STAG1: variants seen among roughly 807,000 people sequenced by gnomAD.
The protein encoded by STAG1 is cohesin subunit SA-1.
In STAG1, 26 loss-of-function variants were observed where a neutral mutation model predicts 170.9. The observed-to-expected ratio is 0.15, with a 90% CI of 0.11 to 0.21. STAG1 has a LOEUF of 0.21. STAG1 is among the 10% of genes least tolerant of loss of function. The pLI, the probability that STAG1 is intolerant of heterozygous loss-of-function variation, is 1.00. For synonymous variants in STAG1, 514 were observed against 497.7 expected (o/e 1.03, Z -0.44); for missense variants, 964 against 1,509.5 (o/e 0.64, Z 5.99).
intron 1 of STAG1, among the ~76,000 whole-genome samples, chr3:136,660,877 G>A (rs1941555022): frequency 6.6e-6 from 1 of 152,164 alleles, no homozygotes; most frequent in Non-Finnish European, 1.5e-5. Flanking sequence ...GCTGAAGTGG[G>A]AGGACTGCTT....
chr3:136,526,369 C>T (rs1052442977), intron 6 of STAG1, among the ~76,000 whole-genome samples: 72 of 152,116 alleles, frequency 4.7e-4, no homozygotes, highest in East Asian at 5.8e-4. Context: ...TTGTCTCTTT[C>T]TATCTTTGTT....
At chr3:136,736,592 G>T in intron 1 of STAG1, 2 of 1,558,222 alleles carry the variant, frequency 1.3e-6, no homozygotes, top group Admixed American at 1.7e-5. Flanking sequence ...TTCGCCAGCT[G>T]TCCACACAAC....
At position 136,580,594 on chromosome 3, in the gene STAG1, C is replaced by T. The variant is rs538078563; in HGVS notation, c.298-11733G>A. On this transcript the variant is annotated intron_variant, in intron 4 of 33. Coordinates refer to ENST00000383202, the MANE Select transcript of STAG1 (RefSeq NM_005862.3). The stretch of plus-strand genomic sequence containing the variant: ...CAGGCCGGACTGCGGACTGCAGTGG[C>T]GCAATCTCGGCTCACTGCAAGCTCC... 5.8e-5 allele frequency among the ~76,000 whole-genome samples: 8 copies of T among 138,848 alleles called. No homozygotes were observed. In the East Asian group the frequency reaches 1.1e-3, roughly 19 times the overall value. 91.1% of individuals were successfully genotyped at this position (138,848 alleles called of 152,430 possible). A position where few individuals can be genotyped will look rare whatever the true frequency, so the allele number is the denominator to read the frequency against.
chr3:136,438,240 C>CTTTTTTTTTTTT (rs371190637), intron 15 of STAG1, among the ~76,000 whole-genome samples: 1 of 128,210 alleles, frequency 7.8e-6, no homozygotes, highest in Non-Finnish European at 1.6e-5. Context: ...AGTTTCTTTT[C>CTTTTTTTTTTTT]TTTTTTTTTT....
intron 12 of STAG1, among the ~76,000 whole-genome samples, chr3:136,465,521 G>A (rs755677910): frequency 2.6e-5 from 3 of 115,270 alleles, no homozygotes; most frequent in South Asian, 3.1e-4. Flanking sequence ...GTGCCTGGCC[G>A]CCTTCTAGTC....
At chr3:136,689,011 C>A (rs530625533) in intron 1 of STAG1, among the ~76,000 whole-genome samples, 1 of 152,234 alleles carries the variant, frequency 6.6e-6, no homozygotes, top group East Asian at 1.9e-4. Context: ...GTAAAATTTG[C>A]CAAATTAAAT....
At chr3:136,449,900 CTTT>C (rs34077581) in intron 14 of STAG1, among the ~76,000 whole-genome samples, 7 of 126,538 alleles carry the variant, frequency 5.5e-5, no homozygotes, top group African/African-American at 1.2e-4. Context: ...ACTATTGTTG[CTTT>C]TTTTTTTTTT....
intron 7 of STAG1, among the ~76,000 whole-genome samples, chr3:136,520,115 A>C (rs1391998601): frequency 2.0e-5 from 3 of 152,156 alleles, no homozygotes; most frequent in Non-Finnish European, 4.4e-5. Flanking sequence ...TCCAGTTATT[A>C]TCTTATTGGC....
At chr3:136,507,268 G>T (rs977905139) in intron 7 of STAG1, among the ~76,000 whole-genome samples, 2 of 152,138 alleles carry the variant, frequency 1.3e-5, no homozygotes, top group African/African-American at 4.8e-5. Flanking sequence ...TTAGAAAAAC[G>T]TAAGAAACTG....
rs967344710 is a variant in STAG1, at chr3:136,721,096, A to C, written c.-84+31099T>G. 3.2e-4 allele frequency among the ~76,000 whole-genome samples: 48 copies of C among 152,350 alleles called. 1 individual carries two copies. The highest frequency in any genetic ancestry group is 1.0e-3 in the African/African-American group (43 of 41,574). On this transcript the variant is annotated intron_variant, in intron 1 of 33. Transcript: ENST00000383202. ...GACATTGGAAGTGTATAAAAGGTCA[A>C]CCAAATAAAACCAAGAAAGCCTGAG...
At position 136,405,231 on chromosome 3, in the gene STAG1, C is replaced by CTTT. The variant is rs554475207; in HGVS notation, c.2197-6405_2197-6403dup. Among the ~76,000 whole-genome samples the CTTT allele has an allele frequency of 4.4e-4, 27 of 60,904 alleles. 1 individual carries two copies. The highest frequency in any genetic ancestry group is 6.6e-4 in the African/African-American group (15 of 22,640). 40.0% of individuals were successfully genotyped at this position (60,904 alleles called of 152,430 possible). The stretch of plus-strand genomic sequence containing the variant: ...AATAAATAAACACATGAAAAAACCT[C>CTTT]TTTTTTTTTTTTTTTTTTTTTTTTT... On this transcript the variant is annotated intron_variant, in intron 21 of 33. Transcript: ENST00000383202.
intron 7 of STAG1, among the ~76,000 whole-genome samples, chr3:136,508,857 C>CGTGT (rs578218669): frequency 1.5e-4 from 23 of 152,042 alleles, no homozygotes; most frequent in African/African-American, 5.1e-4. Context: ...AACGTGTGTA[C>CGTGT]GTGTGTGTGT....
intron 1 of STAG1, among the ~76,000 whole-genome samples, chr3:136,725,721 C>CAATG (rs1933626286): frequency 6.6e-6 from 1 of 152,182 alleles, no homozygotes; most frequent in Non-Finnish European, 1.5e-5. Context: ...GATTTCAAAG[C>CAATG]AATGAATGGC....
chr3:136,551,198 T>TGAGA (rs200132855), intron 5 of STAG1, among the ~76,000 whole-genome samples: 4 of 43,150 alleles, frequency 9.3e-5, no homozygotes, highest in Admixed American at 3.0e-4. Context: ...AGAGAGAGGT[T>TGAGA]GAGAGAGAGT....
At chr3:136,540,608 G>C (rs1234516716) in intron 6 of STAG1, among the ~76,000 whole-genome samples, 3 of 151,762 alleles carry the variant, frequency 2.0e-5, no homozygotes, top group Non-Finnish European at 4.4e-5. Flanking sequence ...GATCACCTGA[G>C]GTCAGGAGTT....
intron 9 of STAG1, among the ~76,000 whole-genome samples, chr3:136,496,380 C>A (rs1051916520): frequency 6.6e-6 from 1 of 151,988 alleles, no homozygotes; most frequent in Non-Finnish European, 1.5e-5. Flanking sequence ...ATCTATTCAC[C>A]AAGATAGAGT....
intron 1 of STAG1, among the ~76,000 whole-genome samples, chr3:136,651,744 A>C (rs1576716978): frequency 6.6e-6 from 1 of 152,178 alleles, no homozygotes; most frequent in African/African-American, 2.4e-5. Flanking sequence ...AAAGTACCTC[A>C]AGAAGGGGAG....
intron 1 of STAG1, among the ~76,000 whole-genome samples, chr3:136,692,268 C>A (rs779973522): frequency 2.1e-5 from 3 of 143,024 alleles, no homozygotes; most frequent in Non-Finnish European, 4.5e-5. Flanking sequence ...GAGCCAAGAT[C>A]GCACCATTGC....
chr3:136,553,718 G>A (rs1316391148), intron 5 of STAG1, among the ~76,000 whole-genome samples: 2 of 152,378 alleles, frequency 1.3e-5, no homozygotes, highest in African/African-American at 2.4e-5. Flanking sequence ...AGATTGCCGT[G>A]AGCCAAGATC....
Sources: gnomAD v4.1 joint callset for allele counts (sites outside exome capture counted in the v4.1 genomes callset) on GRCh38, gnomAD v4.1.1 for gene constraint, MANE v1.5 for transcripts, NCBI Gene and HGNC (gene_info 2026-07-23, HGNC 2026-07-21) for gene names.